DGKG: variants seen among roughly 807,000 people sequenced by gnomAD.
DGKG encodes DAG kinase gamma.
Under a neutral mutation model 105.3 loss-of-function variants are expected in DGKG, and 78 were observed. That is an observed-to-expected ratio of 0.74 (90% CI 0.62 to 0.89). The LOEUF (loss-of-function observed/expected upper bound fraction) is 0.89. DGKG is among the 40% of genes least tolerant of loss of function. The probability of loss-of-function intolerance (pLI) is 0.00; values close to 1 mark genes in which losing one functional copy is unlikely to be tolerated. For synonymous variants in DGKG, 346 were observed against 367.1 expected (o/e 0.94, Z 0.66); for missense variants, 958 against 1,020.1 (o/e 0.94, Z 0.83).
At chr3:186,334,702 A>G (rs1439208206) in intron 1 of DGKG, among the ~76,000 whole-genome samples, 1 of 152,222 alleles carries the variant, frequency 6.6e-6, no homozygotes, top group Non-Finnish European at 1.5e-5. Context: ...TTAGGTGGAT[A>G]CAAATATTAT....
At chr3:186,316,846 G>A (rs1440974166) in intron 2 of DGKG, among the ~76,000 whole-genome samples, 4 of 152,224 alleles carry the variant, frequency 2.6e-5, no homozygotes, top group Non-Finnish European at 5.9e-5. Flanking sequence ...ATGTGGTTAC[G>A]GAAGAGTGGT....
chr3:186,204,789 A>G (rs1375803235), intron 21 of DGKG, among the ~76,000 whole-genome samples: 1 of 152,130 alleles, frequency 6.6e-6, no homozygotes. Context: ...GTTGAGAAGA[A>G]CTTGCTGGGT....
At chr3:186,341,593 C>T (rs34323411) in intron 1 of DGKG, among the ~76,000 whole-genome samples, 2 of 152,082 alleles carry the variant, frequency 1.3e-5, no homozygotes, top group Non-Finnish European at 2.9e-5. Flanking sequence ...GTGACACGTA[C>T]ACATATGTAT....
intron 1 of DGKG, among the ~76,000 whole-genome samples, chr3:186,356,562 A>T (rs1726972295): frequency 6.6e-6 from 1 of 152,198 alleles, no homozygotes; most frequent in African/African-American, 2.4e-5. Context: ...AAGAGTTTTA[A>T]TAGAAATAGG....
intron 22 of DGKG, among the ~76,000 whole-genome samples, chr3:186,182,099 C>T (rs1286840433): frequency 6.6e-6 from 1 of 152,252 alleles, no homozygotes; most frequent in Admixed American, 6.5e-5. Flanking sequence ...CTCCCCCTCC[C>T]CTTGCTTCAC....
intron 1 of DGKG, among the ~76,000 whole-genome samples, chr3:186,335,265 T>C (rs370216325): frequency 6.9e-4 from 105 of 152,202 alleles, no homozygotes; most frequent in Middle Eastern, 3.4e-3. Context: ...TTAGTAGAAA[T>C]GGGGTTTCAC....
intron 19 of DGKG, among the ~76,000 whole-genome samples, chr3:186,246,861 T>C (rs1052491412): frequency 1.3e-5 from 2 of 152,208 alleles, no homozygotes; most frequent in African/African-American, 4.8e-5. Context: ...TCCTTGGCCC[T>C]TGGGCTCCCC....
chr3:186,221,138 G>C (rs1487401691), intron 20 of DGKG, among the ~76,000 whole-genome samples: 1 of 152,180 alleles, frequency 6.6e-6, no homozygotes, highest in Non-Finnish European at 1.5e-5. Flanking sequence ...CTCTCCAAAG[G>C]CCCAGCAGCC....
chr3:186,341,159 T>C (rs1560163808), intron 1 of DGKG, among the ~76,000 whole-genome samples: 1 of 152,230 alleles, frequency 6.6e-6, no homozygotes, highest in African/African-American at 2.4e-5. Context: ...GGGATAATGT[T>C]GTCATTGTTC....
chr3:186,285,782 C>T (rs933083329), intron 6 of DGKG, among the ~76,000 whole-genome samples: 1 of 151,200 alleles, frequency 6.6e-6, no homozygotes. Flanking sequence ...CGGGTTCAAG[C>T]GATTCTTCTG....
chr3:186,325,978 A>G (rs1405643486), intron 1 of DGKG, among the ~76,000 whole-genome samples: 1 of 152,140 alleles, frequency 6.6e-6, no homozygotes, highest in African/African-American at 2.4e-5. Context: ...AAAATCAGTC[A>G]TTTCTCTAAG....
rs774739711 is a variant in DGKG, at chr3:186,260,525, A to C, written c.1350-12T>G. 26 of 1,598,542 alleles carry C rather than the reference A, an allele frequency of 1.6e-5. No homozygotes were observed. Among genetic ancestry groups the C allele is most frequent in the Non-Finnish European group, 2.1e-5 (24 of 1,166,424 alleles). Reference sequence around the variant, plus strand: ...ATTTCCGAAGAATTCTATGGAAAAAAAAAGAAAAGGAGGGAGAGAGAGAGA... The same window carrying C: ...ATTTCCGAAGAATTCTATGGAAAAACAAAGAAAAGGAGGGAGAGAGAGAGA... On this transcript the variant is annotated splice_polypyrimidine_tract_variant and intron_variant, in intron 15 of 24. Transcript: ENST00000265022.
At chr3:186,283,993 T>C (rs1483911707) in intron 7 of DGKG, among the ~76,000 whole-genome samples, 1 of 152,216 alleles carries the variant, frequency 6.6e-6, no homozygotes, top group Non-Finnish European at 1.5e-5. Context: ...CTGACTCTGT[T>C]TGCCTTCTTC....
chr3:186,334,509 G>C (rs1725739656), intron 1 of DGKG, among the ~76,000 whole-genome samples: 1 of 152,228 alleles, frequency 6.6e-6, no homozygotes, highest in African/African-American at 2.4e-5. Context: ...ACAGCATCTA[G>C]AGGTGCATAC....
intron 17 of DGKG, among the ~76,000 whole-genome samples, chr3:186,253,451 T>C (rs1376615287): frequency 6.6e-6 from 1 of 152,218 alleles, no homozygotes; most frequent in African/African-American, 2.4e-5. Flanking sequence ...TCAAATTTCA[T>C]CCTAAATCTG....
intron 10 of DGKG, among the ~76,000 whole-genome samples, 199 bp from the exon 11 acceptor site, chr3:186,272,542 G>T (rs1169935883): frequency 6.6e-6 from 1 of 152,178 alleles, no homozygotes; most frequent in Non-Finnish European, 1.5e-5. Flanking sequence ...CTGCTTATCT[G>T]CTGCGGCTGC....
chr3:186,169,371 T>C (rs1243477087), intron 22 of DGKG, among the ~76,000 whole-genome samples: 1 of 152,250 alleles, frequency 6.6e-6, no homozygotes, highest in African/African-American at 2.4e-5. Context: ...ATTGTTATTT[T>C]CTTCTTTACG....
At chr3:186,355,868 C>A (rs1726931648) in intron 1 of DGKG, among the ~76,000 whole-genome samples, 1 of 152,126 alleles carries the variant, frequency 6.6e-6, no homozygotes. Context: ...GATGTTAATT[C>A]CAGGGAACAT....
intron 1 of DGKG, among the ~76,000 whole-genome samples, chr3:186,328,924 C>T (rs910314953): frequency 2.0e-5 from 3 of 152,210 alleles, no homozygotes; most frequent in Non-Finnish European, 2.9e-5. Context: ...GGGCCTAAAA[C>T]ATTGCCTGAC....
Sources: allele counts gnomAD v4.1 joint callset (sites outside exome capture counted in the v4.1 genomes callset), GRCh38; gene constraint gnomAD v4.1.1; transcripts MANE v1.5; gene names NCBI Gene and HGNC (gene_info 2026-07-23, HGNC 2026-07-21).